ERC2: variants seen among roughly 807,000 people sequenced by gnomAD.
ERC2 encodes the protein ELKS/RAB6-interacting/CAST family member 2, also known as ERC protein 2.
In ERC2, 42 loss-of-function variants were observed where a neutral mutation model predicts 114.8. The observed-to-expected ratio is 0.37, with a 90% CI of 0.29 to 0.47. ERC2 has a LOEUF of 0.47. ERC2 is among the 20% of genes least tolerant of loss of function. ERC2 has a pLI of 0.99. For missense variants in ERC2, 939 were observed against 1,150.7 expected, an observed-to-expected ratio of 0.82 and a Z score of 2.66; for synonymous variants, 454 against 425.5, an observed-to-expected ratio of 1.07 and a Z score of -0.82.
At chr3:55,576,101 A>C (rs1175562951) in intron 17 of ERC2, among the ~76,000 whole-genome samples, 6 of 152,144 alleles carry the variant, frequency 3.9e-5, no homozygotes, top group Non-Finnish European at 4.4e-5. Context: ...ACCTGAGGTC[A>C]AGAGTTTGAG....
intron 11 of ERC2, among the ~76,000 whole-genome samples, chr3:55,990,471 C>A (rs1038098269): frequency 6.6e-6 from 1 of 152,084 alleles, no homozygotes; most frequent in African/African-American, 2.4e-5. Flanking sequence ...ATCTTGACCC[C>A]AGGCTGGAGT....
chr3:55,760,597 G>A (rs1372052615), intron 14 of ERC2, among the ~76,000 whole-genome samples: 1 of 152,158 alleles, frequency 6.6e-6, no homozygotes, highest in Non-Finnish European at 1.5e-5. Flanking sequence ...GCTTTGCCAA[G>A]AGATGACTGG....
At chr3:56,263,262 C>G (rs1191659467) in intron 3 of ERC2, among the ~76,000 whole-genome samples, 11 of 151,322 alleles carry the variant, frequency 7.3e-5, no homozygotes, top group Non-Finnish European at 1.3e-4. Flanking sequence ...TCACTTCCCC[C>G]ATGAAGAGCA....
At chr3:56,359,132 C>G (rs1195952650) in intron 2 of ERC2, among the ~76,000 whole-genome samples, 1 of 152,184 alleles carries the variant, frequency 6.6e-6, no homozygotes, top group Non-Finnish European at 1.5e-5. Flanking sequence ...GCTAAAAGCC[C>G]CATCACAATA....
At chr3:56,149,520 C>T (rs1471916546) in intron 4 of ERC2, among the ~76,000 whole-genome samples, 1 of 152,110 alleles carries the variant, frequency 6.6e-6, no homozygotes, top group African/African-American at 2.4e-5. Flanking sequence ...TACTTATAAA[C>T]ACAAAAACAG....
At chr3:55,712,031 T>C (rs923933758) in intron 15 of ERC2, among the ~76,000 whole-genome samples, 1 of 152,204 alleles carries the variant, frequency 6.6e-6, no homozygotes, top group Non-Finnish European at 1.5e-5. Context: ...ATAGGTAAAA[T>C]ATTGTATCCC....
intron 3 of ERC2, among the ~76,000 whole-genome samples, chr3:56,210,668 T>G (rs1355755373): frequency 6.6e-6 from 1 of 152,196 alleles, no homozygotes. Context: ...TTTCAGTAAG[T>G]GTTATTTTGT....
At chr3:55,658,715 C>T (rs1426337195) in intron 17 of ERC2, 1 of 152,718 alleles carries the variant, frequency 6.5e-6, no homozygotes, top group African/African-American at 2.4e-5. Context: ...AATCAGAAGA[C>T]TGAAGGACCA....
chr3:56,296,470 G>A lies in ERC2; in HGVS notation c.658-35C>T, dbSNP rs1479144966. On this transcript the variant is annotated intron_variant, in intron 2 of 17. Transcript: ENST00000288221. ...GAAAGATGGAGCGGGAGAGGAGAAA[G>A]AAGGAAAAAAAGTCAATGAAAATGT... is the stretch of plus-strand genomic sequence containing the variant. The A allele has an allele frequency of 7.7e-6, 12 of 1,559,244 alleles. No individual in the cohort carries two copies. In the Admixed American group the frequency reaches 8.0e-5, roughly 10 times the overall value.
chr3:55,661,331 C>T (rs945944502), intron 17 of ERC2, among the ~76,000 whole-genome samples: 3 of 152,130 alleles, frequency 2.0e-5, no homozygotes, highest in Non-Finnish European at 2.9e-5. Flanking sequence ...AATTCAGCTC[C>T]GTCTGGTTGT....
At chr3:56,193,327 G>T (rs1442256818) in intron 3 of ERC2, among the ~76,000 whole-genome samples, 1 of 152,072 alleles carries the variant, frequency 6.6e-6, no homozygotes, top group Non-Finnish European at 1.5e-5. Flanking sequence ...GGCCAACATG[G>T]CAAAACCCCG....
At chr3:56,282,180 T>A (rs2054393527) in intron 3 of ERC2, among the ~76,000 whole-genome samples, 1 of 152,188 alleles carries the variant, frequency 6.6e-6, no homozygotes, top group Non-Finnish European at 1.5e-5. Flanking sequence ...AAGTCTCCTG[T>A]AAATTTCACT....
intron 17 of ERC2, among the ~76,000 whole-genome samples, chr3:55,596,365 T>A (rs2058134907): frequency 6.6e-6 from 1 of 152,184 alleles, no homozygotes; most frequent in Non-Finnish European, 1.5e-5. Flanking sequence ...GAGGATTGCT[T>A]GAGCCCAGGA....
At chr3:56,339,200 G>A (rs984061135) in intron 2 of ERC2, among the ~76,000 whole-genome samples, 2 of 152,156 alleles carry the variant, frequency 1.3e-5, no homozygotes, top group Non-Finnish European at 2.9e-5. Flanking sequence ...GAAAATAGAA[G>A]TAACAACAGA....
rs551946453 is a variant in ERC2 at position 55,661,308 on chromosome 3, A to G, written c.*39+22486T>C. On this transcript the variant is annotated intron_variant, in intron 17 of 17. Coordinates refer to ENST00000288221, the MANE Select transcript of ERC2 (RefSeq NM_015576.3). ...GCTGAATTTACTTTCCAGCTCATTC[A>G]GGTCACTGGCAGAATTCAGCTCCGT... 5.3e-5 allele frequency among the ~76,000 whole-genome samples: 8 copies of G among 152,262 alleles called. No individual in the cohort carries two copies. The South Asian group carries it at 1.4e-3, about 28-fold the overall frequency.
rs536381342 is a variant in ERC2, at chr3:56,116,749, C to T, written c.1473+22760G>A. ...TATTATCCTTCAAATCCTGGTTTGC[C>T]ACTGTAATGGGGCCTTCCTACATGC... On this transcript the variant is annotated intron_variant, in intron 6 of 17. Coordinates refer to ENST00000288221, the MANE Select transcript of ERC2 (RefSeq NM_015576.3). Among the ~76,000 whole-genome samples the T allele has an allele frequency of 7.0e-4, 107 of 152,182 alleles. 1 individual carries two copies. The Middle Eastern group carries it at 0.014, about 19-fold the overall frequency.
intron 16 of ERC2, among the ~76,000 whole-genome samples, chr3:55,690,577 A>T (rs1164141311): frequency 1.3e-5 from 2 of 152,222 alleles, no homozygotes; most frequent in Non-Finnish European, 2.9e-5. Context: ...ATACTGCAAC[A>T]AATCTCTTAA....
intron 17 of ERC2, among the ~76,000 whole-genome samples, chr3:55,652,546 GCATTCTCTCTTTTGCTCCTGTCAAC>G (rs1438744100): frequency 5.9e-5 from 9 of 152,046 alleles, no homozygotes; most frequent in African/African-American, 2.2e-4. Flanking sequence ...GGCTTCATAT[GCATTCTCTCTTTTGCTCCTGTCAAC>G]CACCCAAAGA....
chr3:56,186,510 T>C (rs1194192323), intron 3 of ERC2, among the ~76,000 whole-genome samples: 1 of 152,016 alleles, frequency 6.6e-6, no homozygotes, highest in Non-Finnish European at 1.5e-5. Flanking sequence ...CCTTTTGTTG[T>C]TGTTGGTTTT....
Sources: gnomAD v4.1 joint callset for allele counts (sites outside exome capture counted in the v4.1 genomes callset) on GRCh38, gnomAD v4.1.1 for gene constraint, MANE v1.5 for transcripts, NCBI Gene and HGNC (gene_info 2026-07-23, HGNC 2026-07-21) for gene names.